SV2B: variants seen among roughly 807,000 people sequenced by gnomAD.
The protein encoded by SV2B is synaptic vesicle glycoprotein 2B.
In SV2B, 41 loss-of-function variants were observed where a neutral mutation model predicts 73.9. The ratio of observed to expected loss-of-function variants is 0.56; its 90% CI spans 0.43 to 0.72. The LOEUF (loss-of-function observed/expected upper bound fraction) is 0.72, where lower values mean the gene tolerates loss of function less well. SV2B is among the 30% of genes least tolerant of loss of function. SV2B has a pLI of 0.00. For synonymous variants in SV2B, 314 were observed against 314.2 expected, an observed-to-expected ratio of 1.00 and a Z score of 0.01; for missense variants, 764 against 857.8, an observed-to-expected ratio of 0.89 and a Z score of 1.37.
At chr15:91,175,071 T>C (rs958427011) in intron 1 of SV2B, among the ~76,000 whole-genome samples, 1 of 152,176 alleles carries the variant, frequency 6.6e-6, no homozygotes, top group Admixed American at 6.5e-5. Flanking sequence ...AGTGTCCTGT[T>C]CTGGTATAAA....
At position 91,232,930 on chromosome 15, in the gene SV2B, G is replaced by T. The variant is rs186570656; in HGVS notation, c.451+6216G>T. ...ATGTCACGAATACCCAATATTTAGCGCTCGCTTATAAGTGAGAACATGCAG... is the reference window on the plus strand; with the variant it reads ...ATGTCACGAATACCCAATATTTAGCTCTCGCTTATAAGTGAGAACATGCAG... On this transcript the variant is annotated intron_variant, in intron 2 of 12. Transcript: ENST00000394232. The surrounding 1 kb of genome is among the most constrained non-coding windows in gnomAD (Gnocchi z 4.7). Among the ~76,000 whole-genome samples the T allele has an allele frequency of 6.6e-6, 1 of 152,098 alleles. No individual in the cohort carries two copies. Among genetic ancestry groups the T allele is most frequent in the East Asian group, 1.9e-4 (1 of 5,184 alleles).
rs2042854789 is a variant in SV2B, at chr15:91,137,148, A to G, written c.-392+36785A>G. On this transcript the variant is annotated intron_variant, in intron 1 of 12. Coordinates refer to ENST00000394232, the MANE Select transcript of SV2B (RefSeq NM_001323032.3). The surrounding 1 kb of genome is among the most constrained non-coding windows in gnomAD (Gnocchi z 4.9). The stretch of plus-strand genomic sequence containing the variant: ...GGGAGGTGAGAGGGCCAGGTCACAT[A>G]ACCTCCAAATCCCATGTATTTTTTC... 1.3e-5 allele frequency among the ~76,000 whole-genome samples: 2 copies of G among 152,188 alleles called. No homozygotes were observed. The highest frequency in any genetic ancestry group is 1.3e-4 in the Admixed American group (2 of 15,270).
rs865806509 is a variant in SV2B, at chr15:91,129,400, A to G, written c.-392+29037A>G. On this transcript the variant is annotated intron_variant, in intron 1 of 12. Transcript: ENST00000394232. This position sits in a 1 kb window ranked among gnomAD's most constrained non-coding sequence, Gnocchi z 5.1. ...GGTTGTGATGAAGGGGGAGAAATCA[A>G]TTGTCCGGAGATGGAACTGGGGGAG... Among the ~76,000 whole-genome samples the G allele has an allele frequency of 1.1e-4, 16 of 152,316 alleles. No homozygotes were observed. The highest frequency in any genetic ancestry group is 3.4e-4 in the African/African-American group (14 of 41,576).
intron 1 of SV2B, among the ~76,000 whole-genome samples, chr15:91,111,142 C>A (rs762685689): frequency 4.7e-4 from 72 of 152,166 alleles, no homozygotes; most frequent in Non-Finnish European, 7.9e-4. Context: ...TCTTCGGTGG[C>A]TCAGCATGCA....
At position 91,136,865 on chromosome 15, in the gene SV2B, G is replaced by A. The variant is rs1270606754; in HGVS notation, c.-392+36502G>A. Among the ~76,000 whole-genome samples, 1 of 152,168 alleles carries A rather than the reference G, an allele frequency of 6.6e-6. No individual in the cohort carries two copies. The highest frequency in any genetic ancestry group is 1.5e-5 in the Non-Finnish European group (1 of 68,042). On this transcript the variant is annotated intron_variant, in intron 1 of 12. Transcript: ENST00000394232. This position sits in a 1 kb window ranked among gnomAD's most constrained non-coding sequence, Gnocchi z 5.6. ...AGGGCAAGCAGCTTTGGCAGGAGAA[G>A]CAAGAGGGCTCTGGGTAGCCAGCTT...
Position 91,252,817 on chromosome 15 carries a change from A to G in SV2B, c.784+297A>G, listed in dbSNP as rs1023921187. Among the ~76,000 whole-genome samples the G allele has an allele frequency of 6.6e-6, 1 of 151,088 alleles. No homozygotes were observed. The highest frequency in any genetic ancestry group is 2.4e-5 in the African/African-American group (1 of 40,986). On this transcript the variant is annotated intron_variant, in intron 4 of 12. Coordinates refer to ENST00000394232, the MANE Select transcript of SV2B (RefSeq NM_001323032.3). The surrounding 1 kb of genome is among the most constrained non-coding windows in gnomAD (Gnocchi z 4.6). ...CTTACTTTTATTTGAAATAATTTCA[A>G]CCTTCATCTCCTCCAGCCCTCCTCC... is the stretch of plus-strand genomic sequence containing the variant.
At position 91,236,880 on chromosome 15, in the gene SV2B, T is replaced by C. The variant is rs2046805309; in HGVS notation, c.451+10166T>C. ...GGCTGGGGCTTCTTTTGAGCATCTCTCTCTATCTCCATACGATCTTTAAAT... is the reference window on the plus strand; with the variant it reads ...GGCTGGGGCTTCTTTTGAGCATCTCCCTCTATCTCCATACGATCTTTAAAT... On this transcript the variant is annotated intron_variant, in intron 2 of 12. Coordinates refer to ENST00000394232, the MANE Select transcript of SV2B (RefSeq NM_001323032.3). The surrounding 1 kb of genome is among the most constrained non-coding windows in gnomAD (Gnocchi z 4.1). 6.6e-6 allele frequency among the ~76,000 whole-genome samples: 1 copy of C among 151,732 alleles called. No individual in the cohort carries two copies. Among genetic ancestry groups the C allele is most frequent in the African/African-American group, 2.4e-5 (1 of 41,372 alleles).
In SV2B at chr15:91,118,745, C is replaced by G. The variant is rs1372602420; in HGVS notation, c.-392+18382C>G. Reference sequence around the variant, plus strand: ...AGCCCAGTCCAAACCAGAGCCATGCCAGGGAGGGACATCTCTCTGTCATCA... The same window carrying G: ...AGCCCAGTCCAAACCAGAGCCATGCGAGGGAGGGACATCTCTCTGTCATCA... On this transcript the variant is annotated intron_variant, in intron 1 of 12. Coordinates refer to ENST00000394232, the MANE Select transcript of SV2B (RefSeq NM_001323032.3). This position sits in a 1 kb window ranked among gnomAD's most constrained non-coding sequence, Gnocchi z 4.7. 6.6e-6 allele frequency among the ~76,000 whole-genome samples: 1 copy of G among 152,216 alleles called. No homozygotes were observed. Among genetic ancestry groups the G allele is most frequent in the African/African-American group, 2.4e-5 (1 of 41,466 alleles).
rs572890412 is a variant in SV2B, at chr15:91,121,345, T to C, written c.-392+20982T>C. ...TCCTGAGAATACTTAAGCCAGAATC[T>C]CTAGGGATGGGAGTATAAATTGAAT... On this transcript the variant is annotated intron_variant, in intron 1 of 12. Coordinates refer to ENST00000394232, the MANE Select transcript of SV2B (RefSeq NM_001323032.3). This position sits in a 1 kb window ranked among gnomAD's most constrained non-coding sequence, Gnocchi z 4.4. 4.8e-4 allele frequency among the ~76,000 whole-genome samples: 73 copies of C among 152,176 alleles called. No homozygotes were observed. The highest frequency in any genetic ancestry group is 1.7e-3 in the African/African-American group (72 of 41,516).
At position 91,299,186 on chromosome 15, in the gene SV2B, T is replaced by C. The variant is rs2049355168; in HGVS notation, c.*6634T>C. 6.6e-6 allele frequency: 1 copy of C among 152,136 alleles called. No individual in the cohort carries two copies. Among genetic ancestry groups the C allele is most frequent in the Admixed American group, 6.5e-5 (1 of 15,280 alleles). The allele number at this position is 152,136 out of a possible 1,614,324, so 9.4% of individuals were successfully genotyped here. A position where few individuals can be genotyped will look rare whatever the true frequency, so the allele number is the denominator to read the frequency against. On this transcript the variant is annotated 3_prime_UTR_variant, in exon 13 of 13. Transcript: ENST00000394232. ...AATTAAAACTATAAATAAAGTGGCT[T>C]TCCAGAAAAATTAGATATTGGACTC...
rs1038779165 is a variant in SV2B at position 91,300,031 on chromosome 15, C to A, written c.*7479C>A. 1 of 152,204 alleles carries A rather than the reference C, an allele frequency of 6.6e-6. No homozygotes were observed. The highest frequency in any genetic ancestry group is 1.5e-5 in the Non-Finnish European group (1 of 68,036). 9.4% of individuals were successfully genotyped at this position (152,204 alleles called of 1,614,324 possible). On this transcript the variant is annotated 3_prime_UTR_variant, in exon 13 of 13. Transcript: ENST00000394232. ...GAAAACAAACCATCCATAGTGTGTGCATATATACACACAAGGTTTGGTTTA... is the reference window on the plus strand; with the variant it reads ...GAAAACAAACCATCCATAGTGTGTGAATATATACACACAAGGTTTGGTTTA...
chr15:91,231,293 G>A lies in SV2B; in HGVS notation c.451+4579G>A, dbSNP rs144988831. On this transcript the variant is annotated intron_variant, in intron 2 of 12. Coordinates refer to ENST00000394232, the MANE Select transcript of SV2B (RefSeq NM_001323032.3). This position sits in a 1 kb window ranked among gnomAD's most constrained non-coding sequence, Gnocchi z 4.5. Reference sequence around the variant, plus strand: ...TTAATGGGGAGCTATGAAATATGCCGTTGAGGAAGGAGGTGATAAGATGGG... The same window carrying A: ...TTAATGGGGAGCTATGAAATATGCCATTGAGGAAGGAGGTGATAAGATGGG... Among the ~76,000 whole-genome samples, 1,028 of 152,144 alleles carry A rather than the reference G, an allele frequency of 6.8e-3. 5 individuals are homozygous for A. Among genetic ancestry groups the A allele is most frequent in the South Asian group, 0.016 (75 of 4,808 alleles).
At chr15:91,260,513 G>A (rs1294678179) in intron 6 of SV2B, 104 bp downstream of exon 6, 2 of 774,910 alleles carry the variant, frequency 2.6e-6, no homozygotes, top group Non-Finnish European at 4.0e-6. Flanking sequence ...GTCAAAAGGA[G>A]AACAAAGACT....
chr15:91,117,634 T>A (rs1399218151), intron 1 of SV2B, among the ~76,000 whole-genome samples: 1 of 152,224 alleles, frequency 6.6e-6, no homozygotes, highest in East Asian at 1.9e-4. Flanking sequence ...ACATGAGGAA[T>A]GTTAAACTGT....
intron 2 of SV2B, among the ~76,000 whole-genome samples, chr15:91,235,437 T>C (rs2046741929): frequency 7.9e-6 from 1 of 127,012 alleles, no homozygotes; most frequent in Non-Finnish European, 1.5e-5. Flanking sequence ...TAACACACAA[T>C]GAATAGAAAT....
rs1424438903 is a variant in SV2B, at chr15:91,110,327, C to T, written c.-392+9964C>T. ...GTTTGTATGAGAGGCCAAGAGAGAA[C>T]AGGAAAACGGGGTGTGGGTCCCCTA... On this transcript the variant is annotated intron_variant, in intron 1 of 12. Coordinates refer to ENST00000394232, the MANE Select transcript of SV2B (RefSeq NM_001323032.3). The surrounding 1 kb of genome is among the most constrained non-coding windows in gnomAD (Gnocchi z 5.4). 1.3e-5 allele frequency among the ~76,000 whole-genome samples: 2 copies of T among 152,158 alleles called. No individual in the cohort carries two copies. Among genetic ancestry groups the T allele is most frequent in the African/African-American group, 2.4e-5 (1 of 41,428 alleles).
chr15:91,100,763 G>C lies in SV2B; in HGVS notation c.-392+400G>C, dbSNP rs1202291491. 6.6e-6 allele frequency among the ~76,000 whole-genome samples: 1 copy of C among 152,208 alleles called. No homozygotes were observed. Among genetic ancestry groups the C allele is most frequent in the Non-Finnish European group, 1.5e-5 (1 of 68,026 alleles). ...TAGATTTTGTTATTGTTGTTGGCTT[G>C]TTCTTAAAGAACAGAATTCAAACGT... On this transcript the variant is annotated intron_variant, in intron 1 of 12. Coordinates refer to ENST00000394232, the MANE Select transcript of SV2B (RefSeq NM_001323032.3). This position sits in a 1 kb window ranked among gnomAD's most constrained non-coding sequence, Gnocchi z 6.4.
chr15:91,138,952 G>T (rs1221173535), intron 1 of SV2B, among the ~76,000 whole-genome samples: 2 of 152,148 alleles, frequency 1.3e-5, no homozygotes, highest in African/African-American at 2.4e-5. Flanking sequence ...TTAATACAAG[G>T]TATAGAACGT....
rs1258041212 is a variant in SV2B, at chr15:91,299,477, T to C, written c.*6925T>C. Reference sequence around the variant, plus strand: ...CATTTTACAGTGGCAATATCAACCTTATCATGAGCTAAAGATTTGCAATCA... The same window carrying C: ...CATTTTACAGTGGCAATATCAACCTCATCATGAGCTAAAGATTTGCAATCA... On this transcript the variant is annotated 3_prime_UTR_variant, in exon 13 of 13. Coordinates refer to ENST00000394232, the MANE Select transcript of SV2B (RefSeq NM_001323032.3). The C allele has an allele frequency of 6.6e-6, 1 of 152,198 alleles. No homozygotes were observed. The highest frequency in any genetic ancestry group is 1.5e-5 in the Non-Finnish European group (1 of 68,034). The allele number at this position is 152,198 out of a possible 1,614,324, so 9.4% of individuals were successfully genotyped here. A position where few individuals can be genotyped will look rare whatever the true frequency, so the allele number is the denominator to read the frequency against.
Sources: allele counts gnomAD v4.1 joint callset (sites outside exome capture counted in the v4.1 genomes callset), GRCh38; gene constraint gnomAD v4.1.1; non-coding constraint Gnocchi (gnomAD v3.1); transcripts MANE v1.5; gene names NCBI Gene and HGNC (gene_info 2026-07-23, HGNC 2026-07-21).